EVC2: variants seen among roughly 807,000 people sequenced by gnomAD.
The protein encoded by EVC2 is limbin.
In EVC2, 148 loss-of-function variants were observed where a neutral mutation model predicts 149.3. The ratio of observed to expected loss-of-function variants is 0.99; its 90% CI spans 0.87 to 1.14. The LOEUF is 1.14. Ranked by LOEUF, EVC2 falls within the 50% of genes most tolerant of loss-of-function variation. The pLI is 0.00. For synonymous variants in EVC2, 776 were observed against 649.9 expected (o/e 1.19, Z -2.95); for missense variants, 1,854 against 1,627.3 (o/e 1.14, Z -2.40).
At chr4:5,664,031 T>A (rs560501364) in intron 8 of EVC2, among the ~76,000 whole-genome samples, 7 of 152,326 alleles carry the variant, frequency 4.6e-5, no homozygotes, top group Non-Finnish European at 1.0e-4. Flanking sequence ...TTGTCTCCAA[T>A]ATCATTAACT....
rs186891467 is a variant in EVC2 at position 5,596,577 on chromosome 4, G to T, written c.2830-11727C>A. Reference sequence around the variant, plus strand: ...TGGGATGCATTCAAAGCAGTGTGTAGAGGGAAACTTATAGCACTAAACGCC... The same window carrying T: ...TGGGATGCATTCAAAGCAGTGTGTATAGGGAAACTTATAGCACTAAACGCC... On this transcript the variant is annotated intron_variant, in intron 16 of 21. Transcript: ENST00000344408. 3.4e-3 allele frequency among the ~76,000 whole-genome samples: 525 copies of T among 152,232 alleles called. 3 individuals are homozygous for T. Among genetic ancestry groups the T allele is most frequent in the Middle Eastern group, 6.8e-3 (2 of 294 alleles).
At chr4:5,585,323 T>C (rs1274700968) in intron 16 of EVC2, among the ~76,000 whole-genome samples, 1 of 152,180 alleles carries the variant, frequency 6.6e-6, no homozygotes, top group Admixed American at 6.5e-5. Flanking sequence ...GCGCTTTGTG[T>C]CTGTGGTTTG....
At chr4:5,621,759 A>T (rs1455796960) in intron 14 of EVC2, among the ~76,000 whole-genome samples, 1 of 152,178 alleles carries the variant, frequency 6.6e-6, no homozygotes, top group Non-Finnish European at 1.5e-5. Context: ...TACTTGTGAA[A>T]TTTATCTTGG....
intron 7 of EVC2, among the ~76,000 whole-genome samples, chr4:5,675,602 C>A (rs1176332844): frequency 6.6e-6 from 1 of 152,184 alleles, no homozygotes; most frequent in Non-Finnish European, 1.5e-5. Flanking sequence ...TTTATATTTT[C>A]AGATGAAACT....
rs149854557 is a variant in EVC2 at position 5,622,741 on chromosome 4, C to T, written c.2297G>A (p.Arg766His). Residue 766 changes from arginine to histidine, a missense_variant, in exon 14 of 22, where the codon CGT (arginine) becomes CAT (histidine). Physicochemically the swap from Arg to His is conservative, Grantham distance 29 (BLOSUM62 0). Coordinates refer to ENST00000344408, the MANE Select transcript of EVC2 (RefSeq NM_147127.5). The surrounding 1 kb of genome is among the most constrained non-coding windows in gnomAD (Gnocchi z 5.8). ...NSAMTQELLKRGVPWLFLQQI... is the reference protein window; with the variant it reads ...NSAMTQELLKHGVPWLFLQQI... ...CTGCAGGAAGAGCCAGGGCACCCCACGCTTGAGCAGCTCCTGGGTCATGGC... is the reference window on the plus strand; with the variant it reads ...CTGCAGGAAGAGCCAGGGCACCCCATGCTTGAGCAGCTCCTGGGTCATGGC... 21 of 1,613,962 alleles carry T rather than the reference C, an allele frequency of 1.3e-5. No homozygotes were observed. The highest frequency in any genetic ancestry group is 1.6e-4 in the Middle Eastern group (1 of 6,084).
Position 5,622,977 on chromosome 4 carries a change from A to G in EVC2, c.2061T>C (p.Arg687=), listed in dbSNP as rs73198153. The G allele has an allele frequency of 0.065, 105,418 of 1,613,516 alleles. 5,292 individuals are homozygous for G. Among genetic ancestry groups the G allele is most frequent in the African/African-American group, 0.25 (18,544 of 74,956 alleles). Residue 687 remains arginine (R), a synonymous_variant, in exon 14 of 22, where the codon CGT becomes CGC. Coordinates refer to ENST00000344408, the MANE Select transcript of EVC2 (RefSeq NM_147127.5). The surrounding 1 kb of genome is among the most constrained non-coding windows in gnomAD (Gnocchi z 5.8). ...RELLQKHREQ[R]REQASVGEAF... is the part of the protein sequence containing the mutation. ...CCTCGCCGACGGACGCCTGCTCCCT[A>G]CGCTGCTCCCTGTGCTGGAGTTTCA...
chr4:5,699,293 C>T (rs1031479723), intron 1 of EVC2, among the ~76,000 whole-genome samples: 4 of 152,164 alleles, frequency 2.6e-5, no homozygotes, highest in Admixed American at 1.3e-4. Flanking sequence ...CATCTGGCTT[C>T]AGTTTGTTCA....
At chr4:5,608,912 C>T (rs1354693616) in intron 16 of EVC2, among the ~76,000 whole-genome samples, 1 of 152,210 alleles carries the variant, frequency 6.6e-6, no homozygotes, top group Middle Eastern at 3.4e-3. Flanking sequence ...ATCCCCAGGG[C>T]CTGAATAGAA....
chr4:5,552,985 T>A (rs985094117), intron 21 of EVC2, among the ~76,000 whole-genome samples: 1 of 152,148 alleles, frequency 6.6e-6, no homozygotes, highest in East Asian at 1.9e-4. Flanking sequence ...TTCCCTCTGG[T>A]GTGTGATAGA....
intron 6 of EVC2, among the ~76,000 whole-genome samples, chr4:5,682,289 A>C (rs1255640006): frequency 6.6e-6 from 1 of 150,654 alleles, no homozygotes; most frequent in Admixed American, 6.6e-5. Flanking sequence ...TCAGGAGTTC[A>C]AGACCAGCCT....
At chr4:5,571,908 C>T in intron 19 of EVC2, among the ~76,000 whole-genome samples, 1 of 152,208 alleles carries the variant, frequency 6.6e-6, no homozygotes, top group East Asian at 1.9e-4. Context: ...AACAAGAAGG[C>T]TGACCAGTCC....
intron 21 of EVC2, among the ~76,000 whole-genome samples, chr4:5,549,469 A>G (rs1721693168): frequency 6.6e-6 from 1 of 152,238 alleles, no homozygotes; most frequent in African/African-American, 2.4e-5. Context: ...ATTCTGCCAC[A>G]CAGATTTTCT....
At position 5,554,049 on chromosome 4, in the gene EVC2, C is replaced by T. The variant is rs181543995; in HGVS notation, c.3420-10837G>A. Reference sequence around the variant, plus strand: ...ACTGGAGGAAAAAATAGGAACATGACAGTGAGAGAAACGGAAGACAGAAAA... The same window carrying T: ...ACTGGAGGAAAAAATAGGAACATGATAGTGAGAGAAACGGAAGACAGAAAA... On this transcript the variant is annotated intron_variant and NMD_transcript_variant, in intron 21 of 22. Transcript: ENST00000475313. Among the ~76,000 whole-genome samples the T allele has an allele frequency of 9.5e-3, 1,444 of 152,244 alleles. 13 individuals are homozygous for T. Among genetic ancestry groups the T allele is most frequent in the South Asian group, 0.043 (206 of 4,822 alleles).
chr4:5,670,705 A>G lies in EVC2; in HGVS notation c.871-5056T>C, dbSNP rs1222127712. Among the ~76,000 whole-genome samples, 1 of 152,002 alleles carries G rather than the reference A, an allele frequency of 6.6e-6. No homozygotes were observed. Among genetic ancestry groups the G allele is most frequent in the African/African-American group, 2.4e-5 (1 of 41,378 alleles). On this transcript the variant is annotated intron_variant, in intron 7 of 21. Coordinates refer to ENST00000344408, the MANE Select transcript of EVC2 (RefSeq NM_147127.5). This position sits in a 1 kb window ranked among gnomAD's most constrained non-coding sequence, Gnocchi z 5.2. ...CATCACCACCATCATTATCAACATCATCAATATCTCCATCACCATCATCTT... is the reference window on the plus strand; with the variant it reads ...CATCACCACCATCATTATCAACATCGTCAATATCTCCATCACCATCATCTT...
At chr4:5,650,626 T>TAGAG (rs1560195927) in intron 9 of EVC2, among the ~76,000 whole-genome samples, 5 of 83,260 alleles carry the variant, frequency 6.0e-5, no homozygotes, top group African/African-American at 1.7e-4. Context: ...TATATATATA[T>TAGAG]ATATATATAT....
chr4:5,667,557 A>G (rs1719361208), intron 7 of EVC2, among the ~76,000 whole-genome samples: 1 of 152,156 alleles, frequency 6.6e-6, no homozygotes, highest in Admixed American at 6.5e-5. Flanking sequence ...ACCTGCATAC[A>G]ATCCCACTCA....
In EVC2 at chr4:5,694,520, C is replaced by T. The variant is rs1475346167; in HGVS notation, c.284-19G>A. Reference sequence around the variant, plus strand: ...GCTTCCACTGCAAAACAACAACACACCCGTTTTATATAATGCGGAAAGACA... The same window carrying T: ...GCTTCCACTGCAAAACAACAACACATCCGTTTTATATAATGCGGAAAGACA... On this transcript the variant is annotated intron_variant, in intron 2 of 21. Coordinates refer to ENST00000344408, the MANE Select transcript of EVC2 (RefSeq NM_147127.5). 2.5e-6 allele frequency: 4 copies of T among 1,614,016 alleles called. No individual in the cohort carries two copies. The highest frequency in any genetic ancestry group is 3.3e-5 in the Admixed American group (2 of 60,012).
chr4:5,632,653 G>A (rs757400201), intron 10 of EVC2, among the ~76,000 whole-genome samples: 14 of 152,138 alleles, frequency 9.2e-5, no homozygotes, highest in Non-Finnish European at 1.5e-4. Flanking sequence ...CCCAAGTGGA[G>A]ATCCTTTGGG....
intron 9 of EVC2, among the ~76,000 whole-genome samples, chr4:5,648,417 T>C (rs1357128577): frequency 3.9e-5 from 6 of 152,196 alleles, no homozygotes; most frequent in African/African-American, 1.2e-4. Flanking sequence ...GCAAATGTTA[T>C]GGCTGCTTGT....
Sources: gnomAD v4.1 joint callset for allele counts (sites outside exome capture counted in the v4.1 genomes callset) on GRCh38, gnomAD v4.1.1 for gene constraint, Gnocchi (gnomAD v3.1) non-coding constraint, MANE v1.5 for transcripts, NCBI Gene and HGNC (gene_info 2026-07-23, HGNC 2026-07-21) for gene names.